MYOCD: variants seen among roughly 807,000 people sequenced by gnomAD.
The protein encoded by MYOCD is myocardin.
MYOCD carries 32 observed loss-of-function variants against 96.1 expected under a neutral mutation model. The ratio of observed to expected loss-of-function variants is 0.33; its 90% CI spans 0.25 to 0.45. The LOEUF (loss-of-function observed/expected upper bound fraction) is 0.45, where lower values mean the gene tolerates loss of function less well. Ranked by LOEUF, MYOCD falls within the 20% of genes least tolerant of loss-of-function variation. The pLI is 1.00. For synonymous variants in MYOCD, 469 were observed against 469.0 expected (o/e 1.00, Z 0.00); for missense variants, 1,133 against 1,200.6 (o/e 0.94, Z 0.83).
intron 4 of MYOCD, among the ~76,000 whole-genome samples, chr17:12,719,176 A>G (rs2031744599): frequency 1.9e-5 from 1 of 52,694 alleles, no homozygotes; most frequent in East Asian, 4.7e-4. Flanking sequence ...CTCTGTCTCA[A>G]AAAAAAAAAA....
At chr17:12,762,893 T>TG (rs1367962297) in intron 13 of MYOCD, 180 bp from the exon 14 acceptor site, 3 of 589,522 alleles carry the variant, frequency 5.1e-6, no homozygotes, top group South Asian at 4.5e-5. Flanking sequence ...GGAAAGGGTT[T>TG]GGGAAAAACC....
intron 1 of MYOCD, among the ~76,000 whole-genome samples, chr17:12,673,323 A>G (rs1597720559): frequency 2.6e-5 from 4 of 152,160 alleles, no homozygotes; most frequent in Admixed American, 2.6e-4. Flanking sequence ...TCCTCAATAC[A>G]TTATATTTTT....
intron 12 of MYOCD, 42 bp from the exon 13 acceptor site, chr17:12,760,608 A>G (rs775566429): frequency 3.3e-6 from 5 of 1,528,936 alleles, no homozygotes; most frequent in Non-Finnish European, 4.5e-6. Context: ...GGAGATAACC[A>G]CCTTCTAAAT....
chr17:12,717,709 C>T (rs539679138), intron 4 of MYOCD, among the ~76,000 whole-genome samples: 3 of 152,282 alleles, frequency 2.0e-5, no homozygotes, highest in African/African-American at 7.2e-5. Flanking sequence ...GCATGGAACA[C>T]GTCCAACATG....
At position 12,744,335 on chromosome 17, in the gene MYOCD, C is replaced by T. The variant is rs761695311; in HGVS notation, c.870C>T (p.Leu290=). The part of the protein sequence containing the change: ...PPMDSAYARL[L]QQQQLFLQLQ... Reference sequence around the variant, plus strand: ...TGGACTCAGCCTACGCTCGGCTGCTCCAGCAACAGCAGCTGTTCCTGCAGC... The same window carrying T: ...TGGACTCAGCCTACGCTCGGCTGCTTCAGCAACAGCAGCTGTTCCTGCAGC... The change falls in exon 8 of 14, where the codon CTC becomes CTT. Residue 290 remains leucine (L), a synonymous_variant. Coordinates refer to ENST00000425538, the MANE Select transcript of MYOCD (RefSeq NM_001146312.3). 26 of 1,614,164 alleles carry T rather than the reference C, an allele frequency of 1.6e-5. No homozygotes were observed. The highest frequency in any genetic ancestry group is 1.9e-5 in the Non-Finnish European group (23 of 1,180,016).
chr17:12,696,128 C>G (rs111276775), intron 1 of MYOCD, among the ~76,000 whole-genome samples: 15,002 of 151,314 alleles, frequency 0.099, 870 homozygotes, highest in Non-Finnish European at 0.13. Flanking sequence ...GCAATCTCGG[C>G]TCACTGCAAC....
At chr17:12,688,630 G>A (rs535365955) in intron 1 of MYOCD, among the ~76,000 whole-genome samples, 14 of 122,564 alleles carry the variant, frequency 1.1e-4, no homozygotes, top group South Asian at 5.2e-4. Context: ...CCTTCTTTCC[G>A]TCTTCTTCCT....
rs562150979 is a variant in MYOCD at position 12,738,537 on chromosome 17, A to G, written c.592-666A>G. Among the ~76,000 whole-genome samples the G allele has an allele frequency of 7.2e-5, 11 of 152,236 alleles. No homozygotes were observed. The East Asian group carries it at 1.7e-3, about 24-fold the overall frequency. ...CATGCCTGTGTGCACACATGTGCAC[A>G]CACACACACGTATACACCTAACATG... is the stretch of plus-strand genomic sequence containing the variant. On this transcript the variant is annotated intron_variant, in intron 6 of 13. Coordinates refer to ENST00000425538, the MANE Select transcript of MYOCD (RefSeq NM_001146312.3).
intron 5 of MYOCD, among the ~76,000 whole-genome samples, chr17:12,731,000 C>A (rs1354042626): frequency 6.6e-6 from 1 of 152,228 alleles, no homozygotes; most frequent in Admixed American, 6.5e-5. Flanking sequence ...CTCCGAGTCA[C>A]CAGCCCAAGA....
chr17:12,713,505 A>G (rs2031543364), intron 2 of MYOCD, among the ~76,000 whole-genome samples: 1 of 152,182 alleles, frequency 6.6e-6, no homozygotes, highest in African/African-American at 2.4e-5. Flanking sequence ...AGGGCATGTT[A>G]TTCTTTTTAA....
In MYOCD at chr17:12,760,695, A is replaced by G; in HGVS notation, c.2377A>G (p.Ile793Val). 1 of 1,613,912 alleles carries G rather than the reference A, an allele frequency of 6.2e-7. No individual in the cohort carries two copies. Among genetic ancestry groups the G allele is most frequent in the Non-Finnish European group, 8.5e-7 (1 of 1,179,872 alleles). Residue 793 changes from isoleucine (I) to valine (V), a missense_variant, in exon 13 of 14, where the codon ATT becomes GTT. Physicochemically the swap from Ile to Val is conservative, Grantham distance 29. Coordinates refer to ENST00000425538, the MANE Select transcript of MYOCD (RefSeq NM_001146312.3). ...QQMDELLDVL[I>V]ESGEMPADAR... Reference sequence around the variant, plus strand: ...GATGGATGAACTCCTGGACGTGCTTATTGAAAGCGGAGGTAAGACTGCCTG... The same window carrying G: ...GATGGATGAACTCCTGGACGTGCTTGTTGAAAGCGGAGGTAAGACTGCCTG...
chr17:12,725,833 G>A (rs997094092), intron 5 of MYOCD, among the ~76,000 whole-genome samples: 1 of 152,020 alleles, frequency 6.6e-6, no homozygotes, highest in African/African-American at 2.4e-5. Flanking sequence ...TTCTAAGGAA[G>A]TATTTCTCTA....
At chr17:12,738,507 A>T (rs1299700918) in intron 6 of MYOCD, among the ~76,000 whole-genome samples, 1 of 152,190 alleles carries the variant, frequency 6.6e-6, no homozygotes, top group African/African-American at 2.4e-5. Context: ...CCACATATAC[A>T]TATACATGCC....
chr17:12,696,567 C>A (rs1407566455), intron 1 of MYOCD, among the ~76,000 whole-genome samples: 1 of 152,150 alleles, frequency 6.6e-6, no homozygotes, highest in Non-Finnish European at 1.5e-5. Flanking sequence ...TCTCCATATC[C>A]ATGCCACCAC....
chr17:12,690,453 G>T (rs7221712), intron 1 of MYOCD, among the ~76,000 whole-genome samples: 10,215 of 151,882 alleles, frequency 0.067, 535 homozygotes, highest in Admixed American at 0.14. Context: ...AAGTTTACAG[G>T]AAAAAGGGAT....
intron 1 of MYOCD, among the ~76,000 whole-genome samples, chr17:12,684,719 G>A (rs2030002557): frequency 6.6e-6 from 1 of 151,920 alleles, no homozygotes; most frequent in South Asian, 2.1e-4. Context: ...GGTGGCACAT[G>A]CCTGTAGTCC....
At chr17:12,733,309 C>CCAA (rs747395319) in intron 5 of MYOCD, among the ~76,000 whole-genome samples, 2 of 134,904 alleles carry the variant, frequency 1.5e-5, no homozygotes, top group Non-Finnish European at 3.1e-5. Flanking sequence ...GACTCCATCT[C>CCAA]AAAAAAAAAA....
chr17:12,715,546 A>G lies in MYOCD; in HGVS notation c.149A>G (p.Glu50Gly). 6.2e-7 allele frequency: 1 copy of G among 1,613,678 alleles called. No homozygotes were observed. Among genetic ancestry groups the G allele is most frequent in the East Asian group, 2.2e-5 (1 of 44,858 alleles). Residue 50 changes from glutamate to glycine, a missense_variant, in exon 3 of 14, where the codon GAG becomes GGG. Physicochemically the swap from Glu to Gly is moderately conservative, Grantham distance 98. Coordinates refer to ENST00000425538, the MANE Select transcript of MYOCD (RefSeq NM_001146312.3). ...PPLKRPAEFH[E>G]QRKHLDSDKA... Reference sequence around the variant, plus strand: ...CTGAAACGTCCAGCTGAATTCCATGAGCAAAGAAAACATTTGGATAGTGAC... The same window carrying G: ...CTGAAACGTCCAGCTGAATTCCATGGGCAAAGAAAACATTTGGATAGTGAC...
At chr17:12,757,783 C>CACGCCTA (rs1290819018) in intron 11 of MYOCD, among the ~76,000 whole-genome samples, 1 of 152,152 alleles carries the variant, frequency 6.6e-6, no homozygotes, top group Non-Finnish European at 1.5e-5. Context: ...TATGAGCCAT[C>CACGCCTA]ACGCCTAGCC....
Sources: gnomAD v4.1 joint callset for allele counts (sites outside exome capture counted in the v4.1 genomes callset) on GRCh38, gnomAD v4.1.1 for gene constraint, MANE v1.5 for transcripts, NCBI Gene and HGNC (gene_info 2026-07-23, HGNC 2026-07-21) for gene names.